RFPL1: variants seen among roughly 807,000 people sequenced by gnomAD.
RFPL1 encodes ret finger protein like 1, also known as ret finger protein-like 1.
Under a neutral mutation model 9.6 loss-of-function variants are expected in RFPL1, and 6 were observed. The ratio of observed to expected loss-of-function variants is 0.62; its 90% CI spans 0.34 to 1.23. The LOEUF is 1.23. Among genes scored for constraint, RFPL1 ranks in the 50% most tolerant of loss-of-function variants. The pLI is 0.03. For synonymous variants in RFPL1, 145 were observed against 149.4 expected (o/e 0.97, Z 0.22); for missense variants, 352 against 398.4 (o/e 0.88, Z 0.99).
At chr22:29,403,736 A>G in the RFPL1 span, among the ~76,000 whole-genome samples, 1 of 152,258 alleles carries the variant, frequency 6.6e-6, no homozygotes, top group Non-Finnish European at 1.5e-5. Context: ...ACTATACTGC[A>G]GTGTCTCTCC....
At chr22:29,428,112 G>A in the RFPL1 span, among the ~76,000 whole-genome samples, 17 of 152,240 alleles carry the variant, frequency 1.1e-4, no homozygotes, top group East Asian at 2.9e-3. Context: ...AGCCTCCTGG[G>A]ACTTTTAGGG....
At chr22:29,415,581 G>T in the RFPL1 span, among the ~76,000 whole-genome samples, 1 of 152,228 alleles carries the variant, frequency 6.6e-6, no homozygotes, top group Non-Finnish European at 1.5e-5. Flanking sequence ...CTCGCTTCCC[G>T]GTCAGGGAAC....
chr22:29,423,482 C>T, the RFPL1 span, among the ~76,000 whole-genome samples: 141 of 152,004 alleles, frequency 9.3e-4, 2 homozygotes, highest in Admixed American at 9.2e-3. Flanking sequence ...TCCCAAAGTG[C>T]TGGGATTACA....
chr22:29,418,495 T>TC, the RFPL1 span, among the ~76,000 whole-genome samples: 1 of 148,224 alleles, frequency 6.7e-6, no homozygotes, highest in Non-Finnish European at 1.5e-5. Flanking sequence ...TTCTTCGTCT[T>TC]CTTTTTTTTT....
chr22:29,424,589 G>C, the RFPL1 span, among the ~76,000 whole-genome samples: 2 of 149,958 alleles, frequency 1.3e-5, no homozygotes, highest in Admixed American at 1.3e-4. Context: ...ATGCTCTATC[G>C]ATGAAGGAAT....
chr22:29,396,242 G>A, the RFPL1 span, among the ~76,000 whole-genome samples: 15,884 of 152,172 alleles, frequency 0.1, 1,851 homozygotes, highest in African/African-American at 0.29. Flanking sequence ...TAGGAGGTGG[G>A]GCCTAATGGG....
At chr22:29,441,833 A>T in exon 2 of RFPL1, 1 of 1,613,976 alleles carries the variant, frequency 6.2e-7, no homozygotes, top group South Asian at 1.1e-5. Context: ...AGTTTGAGGG[A>T]TGGAAGCCGC....
intron 1 of RFPL1, chr22:29,440,045 T>C (rs957705790): frequency 6.6e-6 from 1 of 152,056 alleles, no homozygotes; most frequent in Non-Finnish European, 1.5e-5. Flanking sequence ...GAAAATACTA[T>C]CACTCTCCAT....
chr22:29,395,995 GAGAAAAGAGAAGAGAAGAGAA>G, the RFPL1 span, among the ~76,000 whole-genome samples: 1 of 151,314 alleles, frequency 6.6e-6, no homozygotes. Context: ...AGAGAAATAA[GAGAAAAGAGAAGAGAAGAGAA>G]AGAAAAGAGA....
upstream of RFPL1, chr22:29,436,915 T>C (rs1207761281): frequency 1.3e-5 from 2 of 152,166 alleles, no homozygotes; most frequent in Non-Finnish European, 2.9e-5. Context: ...ATTCAAATTA[T>C]TTGAAATTTG....
In RFPL1 at chr22:29,439,143, C is replaced by T. The variant is rs372198175; in HGVS notation, c.352C>T (p.Pro118Ser). The stretch of plus-strand genomic sequence containing the variant: ...GCTGAAGAAGATTCTGCAGATGAAC[C>T]CAAGGATGCGGAAGTTCCAAGGTGA... The change falls in exon 1 of 2, where the codon CCA (proline) becomes TCA (serine). Residue 118 changes from proline (P) to serine (S), a missense_variant. Pro to Ser is a moderately conservative substitution (Grantham distance 74). Coordinates refer to ENST00000354373, the Ensembl canonical transcript of RFPL1. 7.4e-5 allele frequency: 119 copies of T among 1,613,960 alleles called. No individual in the cohort carries two copies. The highest frequency in any genetic ancestry group is 9.6e-5 in the Non-Finnish European group (113 of 1,179,994).
At chr22:29,432,191 G>A in the RFPL1 span, among the ~76,000 whole-genome samples, 1 of 152,106 alleles carries the variant, frequency 6.6e-6, no homozygotes, top group East Asian at 1.9e-4. Flanking sequence ...CTCCCTCAAG[G>A]ACTTAACTTG....
the RFPL1 span, among the ~76,000 whole-genome samples, chr22:29,400,554 C>T: frequency 6.6e-6 from 1 of 152,282 alleles, no homozygotes; most frequent in Admixed American, 6.5e-5. Context: ...CCCTCTCTTC[C>T]AATTGTAAAC....
upstream of RFPL1, chr22:29,434,627 A>C (rs2062800315): frequency 6.5e-6 from 1 of 152,926 alleles, no homozygotes; most frequent in Non-Finnish European, 1.5e-5. Context: ...GGGACAGGCA[A>C]ATAATGGGAT....
chr22:29,413,681 T>C, the RFPL1 span, among the ~76,000 whole-genome samples: 1 of 152,244 alleles, frequency 6.6e-6, no homozygotes, highest in Non-Finnish European at 1.5e-5. Flanking sequence ...TTATTCAACT[T>C]TTAATGTCTG....
At chr22:29,412,569 T>C in the RFPL1 span, among the ~76,000 whole-genome samples, 8 of 152,166 alleles carry the variant, frequency 5.3e-5, no homozygotes, top group Middle Eastern at 3.4e-3. Context: ...TTCCCACAGA[T>C]GGATAGAGGA....
the RFPL1 span, among the ~76,000 whole-genome samples, chr22:29,388,780 G>A: frequency 6.6e-6 from 1 of 152,256 alleles, no homozygotes; most frequent in Non-Finnish European, 1.5e-5. Flanking sequence ...TGAGGGGGCC[G>A]GGCAAGGTCG....
upstream of RFPL1, chr22:29,434,921 A>G (rs991709428): frequency 6.6e-6 from 1 of 152,230 alleles, no homozygotes; most frequent in Non-Finnish European, 1.5e-5. Flanking sequence ...TGCAGATTCA[A>G]TTATCGATGA....
chr22:29,421,193 C>T, the RFPL1 span, among the ~76,000 whole-genome samples: 1 of 152,150 alleles, frequency 6.6e-6, no homozygotes, highest in East Asian at 1.9e-4. Context: ...TTTCCTAAAC[C>T]TGTTTCCTTG....
Sources: gnomAD v4.1 joint callset for allele counts (sites outside exome capture counted in the v4.1 genomes callset) on GRCh38, gnomAD v4.1.1 for gene constraint, MANE v1.5 for transcripts, NCBI Gene and HGNC (gene_info 2026-07-23, HGNC 2026-07-21) for gene names.